The following PON3 variants were observed in gnomAD, a reference collection of about 807,000 sequenced individuals.
PON3 encodes the protein paraoxonase 3.
Under a neutral mutation model 36.3 loss-of-function variants are expected in PON3, and 37 were observed. The ratio of observed to expected loss-of-function variants is 1.02; its 90% CI spans 0.78 to 1.34. PON3 has a LOEUF of 1.34. Among genes scored for constraint, PON3 ranks in the 40% most tolerant of loss-of-function variants. The pLI, the probability that PON3 is intolerant of heterozygous loss-of-function variation, is 0.00. For synonymous variants in PON3, 155 were observed against 154.8 expected, an observed-to-expected ratio of 1.00 and a Z score of -0.01; for missense variants, 415 against 426.5, an observed-to-expected ratio of 0.97 and a Z score of 0.24.
chr7:95,383,557 T>C (rs1239312094), intron 3 of PON3, among the ~76,000 whole-genome samples: 1 of 151,974 alleles, frequency 6.6e-6, no homozygotes, highest in African/African-American at 2.4e-5. Flanking sequence ...TATACACCAA[T>C]AACAGACAAA....
chr7:95,396,136 G>T, intron 1 of PON3, 141 bp downstream of exon 1: 1 of 880,490 alleles, frequency 1.1e-6, no homozygotes, highest in East Asian at 2.5e-5. Flanking sequence ...CTCAAGGGGC[G>T]GTTTGCTGGG....
intron 2 of PON3, among the ~76,000 whole-genome samples, chr7:95,393,607 A>C (rs984229397): frequency 2.0e-5 from 3 of 152,216 alleles, no homozygotes; most frequent in African/African-American, 7.2e-5. Context: ...TCTCACGTAG[A>C]AGCATGAGGG....
intron 3 of PON3, among the ~76,000 whole-genome samples, chr7:95,383,871 A>G (rs1000755620): frequency 3.9e-5 from 6 of 152,236 alleles, no homozygotes; most frequent in Non-Finnish European, 7.3e-5. Context: ...TTCATGTGGA[A>G]CCAAAAATGA....
chr7:95,371,847 A>C (rs1037475115), intron 4 of PON3, among the ~76,000 whole-genome samples: 2 of 152,018 alleles, frequency 1.3e-5, no homozygotes, highest in African/African-American at 2.4e-5. Flanking sequence ...AACGTCTCAC[A>C]GTTGTCTTTA....
chr7:95,364,656 A>G (rs1269185809), intron 5 of PON3: 2 of 164,392 alleles, frequency 1.2e-5, no homozygotes, highest in East Asian at 3.4e-4. Flanking sequence ...AATCACCTAC[A>G]CTGGATACAT....
chr7:95,384,163 A>G (rs996774091), intron 3 of PON3, among the ~76,000 whole-genome samples: 5 of 152,110 alleles, frequency 3.3e-5, no homozygotes, highest in Admixed American at 6.5e-5. Flanking sequence ...GTAGAAAGCC[A>G]AAACTGGATC....
At chr7:95,364,932 ATG>A (rs1808658623) in intron 5 of PON3, 1 of 152,222 alleles carries the variant, frequency 6.6e-6, no homozygotes, top group Non-Finnish European at 1.5e-5. Context: ...TGAAAAAATA[ATG>A]CTTAAACATT....
At chr7:95,394,590 T>A in intron 2 of PON3, 54 bp downstream of exon 2, 3 of 1,503,242 alleles carry the variant, frequency 2.0e-6, no homozygotes, top group Non-Finnish European at 2.8e-6. Flanking sequence ...CTCAGTCAGG[T>A]GGATGACGAC....
intron 5 of PON3, 93 bp from the exon 6 acceptor site, chr7:95,364,156 C>A (rs999324078): frequency 7.1e-6 from 7 of 990,290 alleles, no homozygotes; most frequent in Non-Finnish European, 1.1e-5. Context: ...TAGACTAATA[C>A]GTTCATCAAT....
At chr7:95,396,211 G>T (rs1809429095) in intron 1 of PON3, 66 bp downstream of exon 1, 3 of 1,552,658 alleles carry the variant, frequency 1.9e-6, no homozygotes, top group Non-Finnish European at 2.7e-6. Context: ...GCGCCAGGCA[G>T]CCCCTGACCT....
intron 2 of PON3, among the ~76,000 whole-genome samples, chr7:95,393,652 T>A (rs1809367364): frequency 6.6e-6 from 1 of 152,160 alleles, no homozygotes; most frequent in Admixed American, 6.5e-5. Flanking sequence ...GATTTTGAAC[T>A]GAATCTTTTG....
intron 3 of PON3, among the ~76,000 whole-genome samples, chr7:95,384,544 T>C (rs546932555): frequency 2.6e-5 from 4 of 152,260 alleles, no homozygotes; most frequent in African/African-American, 9.6e-5. Flanking sequence ...GCAACGGATA[T>C]GAACAGACAC....
intron 2 of PON3, among the ~76,000 whole-genome samples, chr7:95,392,583 A>G (rs1809342279): frequency 1.3e-5 from 2 of 152,228 alleles, no homozygotes; most frequent in Non-Finnish European, 2.9e-5. Flanking sequence ...AATCACTCTG[A>G]TATCCTATTC....
At chr7:95,384,184 A>T (rs2116411520) in intron 3 of PON3, among the ~76,000 whole-genome samples, 1 of 152,304 alleles carries the variant, frequency 6.6e-6, no homozygotes, top group East Asian at 1.9e-4. Flanking sequence ...CCTTCCTCAC[A>T]CCTTATACAA....
At chr7:95,387,016 C>T (rs979998230) in intron 3 of PON3, among the ~76,000 whole-genome samples, 20 of 152,098 alleles carry the variant, frequency 1.3e-4, no homozygotes, top group African/African-American at 4.8e-4. Context: ...ATGACAAATC[C>T]ACAGCCAATA....
At chr7:95,391,309 T>C (rs1444521502) in intron 2 of PON3, among the ~76,000 whole-genome samples, 1 of 152,104 alleles carries the variant, frequency 6.6e-6, no homozygotes, top group Non-Finnish European at 1.5e-5. Context: ...AGAAGATACG[T>C]AGGTATTAAA....
chr7:95,390,773 G>A (rs1027631927), intron 2 of PON3, among the ~76,000 whole-genome samples: 1 of 152,106 alleles, frequency 6.6e-6, no homozygotes, highest in Non-Finnish European at 1.5e-5. Context: ...TTTTTTCTCA[G>A]TAAGAGCTAG....
At chr7:95,371,820 C>T (rs7807131) in intron 4 of PON3, among the ~76,000 whole-genome samples, 12,927 of 151,898 alleles carry the variant, frequency 0.085, 1,511 homozygotes, top group African/African-American at 0.27. Context: ...TTTTTTCCCC[C>T]TTATGTTATG....
chr7:95,373,195 T>A (rs1808846870), intron 3 of PON3, among the ~76,000 whole-genome samples: 1 of 152,194 alleles, frequency 6.6e-6, no homozygotes, highest in Non-Finnish European at 1.5e-5. Context: ...CTTTATCTTC[T>A]TTTACAGTCT....
Sources: allele counts gnomAD v4.1 joint callset (sites outside exome capture counted in the v4.1 genomes callset), GRCh38; gene constraint gnomAD v4.1.1; transcripts MANE v1.5; gene names NCBI Gene and HGNC (gene_info 2026-07-23, HGNC 2026-07-21).